NOTCH2NLR: variants seen among roughly 807,000 people sequenced by gnomAD.
The protein encoded by NOTCH2NLR is notch 2 N-terminal like R, also known as notch 2 N-terminal like R (pseudogene).
Under a neutral mutation model 35.6 loss-of-function variants are expected in NOTCH2NLR, and 33 were observed. That is an observed-to-expected ratio of 0.93 (90% CI 0.70 to 1.24). The LOEUF (loss-of-function observed/expected upper bound fraction) is 1.24, where lower values mean the gene tolerates loss of function less well. Among genes scored for constraint, NOTCH2NLR ranks in the 50% most tolerant of loss-of-function variants. The pLI, the probability that NOTCH2NLR is intolerant of heterozygous loss-of-function variation, is 0.00. For synonymous variants in NOTCH2NLR, 103 were observed against 141.0 expected (o/e 0.73, Z 1.91); for missense variants, 276 against 362.2 (o/e 0.76, Z 1.93).
rs1165234449 is a variant in NOTCH2NLR at position 120,749,300 on chromosome 1, CCT to C, written c.74-14325_74-14324del. On this transcript the variant is annotated intron_variant, in intron 1 of 4. Coordinates refer to ENST00000624419, the Ensembl canonical transcript of NOTCH2NLR. ...AAGGTGAGTTTTTGTCTTTTTTCCC[CCT>C]CTGAGTTGATTTCTTTAGTTGGAGA... 2.0e-5 allele frequency among the ~76,000 whole-genome samples: 2 copies of C among 100,384 alleles called. 1 individual carries two copies. The highest frequency in any genetic ancestry group is 3.6e-5 in the Non-Finnish European group (2 of 55,510). The allele number at this position is 100,384 out of a possible 152,430, so 65.9% of individuals were successfully genotyped here.
At chr1:120,784,221 A>ATACAGTAGG (rs1651397261) in intron 2 of NOTCH2NLR, among the ~76,000 whole-genome samples, 1 of 118,748 alleles carries the variant, frequency 8.4e-6, no homozygotes, top group Non-Finnish European at 1.6e-5. Context: ...AACTTTATTA[A>ATACAGTAGG]TACAGTAGGT....
chr1:120,782,107 G>T, intron 2 of NOTCH2NLR, among the ~76,000 whole-genome samples: 2 of 103,942 alleles, frequency 1.9e-5, no homozygotes, highest in Middle Eastern at 7.8e-3. Flanking sequence ...CCACTAAAAA[G>T]GTGAAGAAGC....
At chr1:120,768,581 G>A (rs1357118880) in intron 2 of NOTCH2NLR, among the ~76,000 whole-genome samples, 1 of 109,122 alleles carries the variant, frequency 9.2e-6, no homozygotes, top group Admixed American at 9.1e-5. Context: ...CTCTTCTGCT[G>A]CATGAACTGG....
At chr1:120,769,699 TAACTC>T (rs1651239495) in intron 2 of NOTCH2NLR, among the ~76,000 whole-genome samples, 1 of 117,934 alleles carries the variant, frequency 8.5e-6, no homozygotes, top group African/African-American at 4.8e-5. Flanking sequence ...ATATAACAGA[TAACTC>T]AAGTCTGTGG....
rs1650942546 is a variant in NOTCH2NLR, at chr1:120,740,209, CA to C, written c.73+15960del. 3.6e-5 allele frequency among the ~76,000 whole-genome samples: 5 copies of C among 138,498 alleles called. 1 individual carries two copies. 90.9% of individuals were successfully genotyped at this position (138,498 alleles called of 152,430 possible). A position where few individuals can be genotyped will look rare whatever the true frequency, so the allele number is the denominator to read the frequency against. ...GAAATCAGGTTTAAAATGTTAGAAG[CA>C]GTTGGTTTTCAGCATTGGGAAAGCT... On this transcript the variant is annotated intron_variant, in intron 1 of 4. Transcript: ENST00000624419.
At chr1:120,758,558 C>T (rs1651100459) in intron 1 of NOTCH2NLR, among the ~76,000 whole-genome samples, 1 of 103,226 alleles carries the variant, frequency 9.7e-6, no homozygotes, top group Non-Finnish European at 1.8e-5. Flanking sequence ...AAAGAAAAAC[C>T]TTTTTACTCA....
intron 1 of NOTCH2NLR, among the ~76,000 whole-genome samples, chr1:120,752,534 ATATATATATATATATATATATT>A: frequency 7.2e-5 from 1 of 13,948 alleles, no homozygotes; most frequent in African/African-American, 4.0e-4. Flanking sequence ...ATATATATAT[ATATATATATATATATATATATT>A]TTTTTTTTTT....
At chr1:120,762,493 A>G (rs1453619417) in intron 1 of NOTCH2NLR, among the ~76,000 whole-genome samples, 1 of 112,902 alleles carries the variant, frequency 8.9e-6, no homozygotes, top group Non-Finnish European at 1.7e-5. Flanking sequence ...CAATTTATGC[A>G]TAGAGTGGTG....
At position 120,756,395 on chromosome 1, in the gene NOTCH2NLR, A is replaced by G. The variant is rs1227477585; in HGVS notation, c.74-7233A>G. The stretch of plus-strand genomic sequence containing the variant: ...TGAAGAAAAAGTTAAAAGAGCCTGT[A>G]TAACTCCTCTTCATGTATTTTAGGA... On this transcript the variant is annotated intron_variant, in intron 1 of 4. Coordinates refer to ENST00000624419, the Ensembl canonical transcript of NOTCH2NLR. 5.9e-5 allele frequency among the ~76,000 whole-genome samples: 7 copies of G among 118,290 alleles called. 1 individual carries two copies. The East Asian group carries it at 1.5e-3, about 25-fold the overall frequency. The allele number at this position is 118,290 out of a possible 152,430, so 77.6% of individuals were successfully genotyped here.
At position 120,727,405 on chromosome 1, in the gene NOTCH2NLR, T is replaced by A. The variant is rs1650827292; in HGVS notation, c.73+3155T>A. Among the ~76,000 whole-genome samples, 2 of 116,862 alleles carry A rather than the reference T, an allele frequency of 1.7e-5. 1 individual carries two copies. Among genetic ancestry groups the A allele is most frequent in the African/African-American group, 1.0e-4 (2 of 19,780 alleles). The allele number at this position is 116,862 out of a possible 152,430, so 76.7% of individuals were successfully genotyped here. A position where few individuals can be genotyped will look rare whatever the true frequency, so the allele number is the denominator to read the frequency against. On this transcript the variant is annotated intron_variant, in intron 1 of 4. Coordinates refer to ENST00000624419, the Ensembl canonical transcript of NOTCH2NLR. Reference sequence around the variant, plus strand: ...TTTAACGCTTCTGACTCAAGAATTTTAAAATTGCTAACATAAGAGATATAG... The same window carrying A: ...TTTAACGCTTCTGACTCAAGAATTTAAAAATTGCTAACATAAGAGATATAG...
chr1:120,770,318 C>T (rs1242266725), intron 2 of NOTCH2NLR, among the ~76,000 whole-genome samples: 3 of 107,998 alleles, frequency 2.8e-5, no homozygotes, highest in South Asian at 2.8e-4. Context: ...TATAAGCGCC[C>T]GCCACCACGC....
downstream of NOTCH2NLR, among the ~76,000 whole-genome samples, chr1:120,794,350 G>C (rs1419899811): frequency 9.1e-6 from 1 of 109,930 alleles, no homozygotes; most frequent in Admixed American, 9.0e-5. Context: ...CAAGAATTTT[G>C]ATTGGGAACA....
rs1327154747 is a variant in NOTCH2NLR at position 120,761,161 on chromosome 1, ACTTTGGGTTG to A, written c.74-2463_74-2454del. ...TTGCTAGATTGATTGCTACATATTG[ACTTTGGGTTG>A]CTTGTATTTCTCTGAACCTGTCACT... On this transcript the variant is annotated intron_variant, in intron 1 of 4. Transcript: ENST00000624419. 1.1e-4 allele frequency among the ~76,000 whole-genome samples: 14 copies of A among 125,806 alleles called. 1 individual carries two copies. Among genetic ancestry groups the A allele is most frequent in the Non-Finnish European group, 2.3e-4 (14 of 61,208 alleles). 82.5% of individuals were successfully genotyped at this position (125,806 alleles called of 152,430 possible). A position where few individuals can be genotyped will look rare whatever the true frequency, so the allele number is the denominator to read the frequency against.
intron 2 of NOTCH2NLR, among the ~76,000 whole-genome samples, chr1:120,782,429 AC>A (rs1403751406): frequency 7.7e-6 from 1 of 129,038 alleles, no homozygotes; most frequent in African/African-American, 3.2e-5. Context: ...CATTTTTATC[AC>A]CCTGAAAGAA....
chr1:120,794,809 CT>C (rs1280419179), downstream of NOTCH2NLR, among the ~76,000 whole-genome samples: 1 of 32,276 alleles, frequency 3.1e-5, no homozygotes, highest in Non-Finnish European at 5.2e-5. Flanking sequence ...TTTAGTTTCT[CT>C]TTTAATAAAG....
In NOTCH2NLR at chr1:120,745,267, G is replaced by A. The variant is rs1198150313; in HGVS notation, c.74-18361G>A. Among the ~76,000 whole-genome samples the A allele has an allele frequency of 1.9e-5, 2 of 104,596 alleles. 1 individual carries two copies. The highest frequency in any genetic ancestry group is 4.5e-4 in the East Asian group (2 of 4,404). 68.6% of individuals were successfully genotyped at this position (104,596 alleles called of 152,430 possible). On this transcript the variant is annotated intron_variant, in intron 1 of 4. Coordinates refer to ENST00000624419, the Ensembl canonical transcript of NOTCH2NLR. Reference sequence around the variant, plus strand: ...ATGGGTCATGAAACCAATTTGGTAGGTCTCCAACAGCACTTTGGGGGAAAA... The same window carrying A: ...ATGGGTCATGAAACCAATTTGGTAGATCTCCAACAGCACTTTGGGGGAAAA...
At chr1:120,789,573 C>A (rs1199162360) in intron 3 of NOTCH2NLR, among the ~76,000 whole-genome samples, 1 of 97,802 alleles carries the variant, frequency 1.0e-5, no homozygotes, top group African/African-American at 7.1e-5. Context: ...GAAAGACTGG[C>A]CCCCATGATA....
Position 120,776,219 on chromosome 1 carries a change from G to A in NOTCH2NLR, c.156-8755G>A, listed in dbSNP as rs1467667961. Among the ~76,000 whole-genome samples the A allele has an allele frequency of 1.0e-4, 12 of 116,818 alleles. 4 individuals carry two copies. The South Asian group carries it at 2.0e-3, about 19-fold the overall frequency. 76.6% of individuals were successfully genotyped at this position (116,818 alleles called of 152,430 possible). A position where few individuals can be genotyped will look rare whatever the true frequency, so the allele number is the denominator to read the frequency against. ...AGATAATCATAATAAGGGCTAATGA[G>A]TAACACAGGCTCAGGGTTATTAAGA... On this transcript the variant is annotated intron_variant, in intron 2 of 4. Transcript: ENST00000624419.
Position 120,730,807 on chromosome 1 carries a change from T to C in NOTCH2NLR, c.73+6557T>C, listed in dbSNP as rs1322947575. 7.6e-5 allele frequency among the ~76,000 whole-genome samples: 3 copies of C among 39,264 alleles called. No individual in the cohort carries two copies. The South Asian group carries it at 1.7e-3, about 22-fold the overall frequency. The allele number at this position is 39,264 out of a possible 152,430, so 25.8% of individuals were successfully genotyped here. On this transcript the variant is annotated intron_variant, in intron 1 of 4. Transcript: ENST00000624419. ...CCTTGGCACTAACATTTGCTATCTT[T>C]GTAGCTCTGCTGTCTTAGTGGTGTA...
Sources: gnomAD v4.1 joint callset for allele counts (sites outside exome capture counted in the v4.1 genomes callset) on GRCh38, gnomAD v4.1.1 for gene constraint, MANE v1.5 for transcripts, NCBI Gene and HGNC (gene_info 2026-07-23, HGNC 2026-07-21) for gene names.